RGS21: variants seen among roughly 807,000 people sequenced by gnomAD.
The protein encoded by RGS21 is regulator of G protein signaling 21.
In RGS21, 19 loss-of-function variants were observed where a neutral mutation model predicts 18.7. The ratio of observed to expected loss-of-function variants is 1.01; its 90% CI spans 0.71 to 1.49. RGS21 has a LOEUF of 1.49. Among genes scored for constraint, RGS21 ranks in the 40% most tolerant of loss-of-function variants. The pLI is 0.00. For synonymous variants in RGS21, 56 were observed against 57.8 expected, an observed-to-expected ratio of 0.97 and a Z score of 0.14; for missense variants, 194 against 176.8, an observed-to-expected ratio of 1.10 and a Z score of -0.55.
intron 1 of RGS21, among the ~76,000 whole-genome samples, chr1:192,338,476 T>A (rs189170059): frequency 2.0e-5 from 3 of 152,094 alleles, no homozygotes; most frequent in Non-Finnish European, 4.4e-5. Context: ...CAAATAACGA[T>A]CAGTGCGATT....
At chr1:192,333,269 TAC>T (rs137948736) in intron 1 of RGS21, among the ~76,000 whole-genome samples, 4,178 of 142,566 alleles carry the variant, frequency 0.029, 67 homozygotes, top group African/African-American at 0.047. Context: ...GTTTCTTAAA[TAC>T]ACACACACAC....
At chr1:192,318,140 C>G (rs551594826) in intron 1 of RGS21, among the ~76,000 whole-genome samples, 1 of 152,024 alleles carries the variant, frequency 6.6e-6, no homozygotes, top group Admixed American at 6.6e-5. Flanking sequence ...AATCAATATC[C>G]TGTTATTTTT....
At chr1:192,322,796 T>G (rs1658515569) in intron 1 of RGS21, among the ~76,000 whole-genome samples, 2 of 152,112 alleles carry the variant, frequency 1.3e-5, no homozygotes, top group Non-Finnish European at 2.9e-5. Flanking sequence ...GCAAAAAGTT[T>G]ACTCTGTCAA....
At chr1:192,333,638 A>G (rs1472301975) in intron 1 of RGS21, among the ~76,000 whole-genome samples, 1 of 48,794 alleles carries the variant, frequency 2.0e-5, no homozygotes, top group Non-Finnish European at 4.5e-5. Flanking sequence ...CAAAAAAAAA[A>G]AAAAAAAAAA....
At chr1:192,332,342 A>C (rs12758780) in intron 1 of RGS21, among the ~76,000 whole-genome samples, 1 of 152,180 alleles carries the variant, frequency 6.6e-6, no homozygotes, top group South Asian at 2.1e-4. Context: ...AATACCATCA[A>C]ATTTATAAAG....
chr1:192,359,055 T>C (rs918342724), intron 4 of RGS21, among the ~76,000 whole-genome samples: 1 of 152,128 alleles, frequency 6.6e-6, no homozygotes, highest in African/African-American at 2.4e-5. Flanking sequence ...ACATCTCAGC[T>C]GTCATTTTCT....
intron 4 of RGS21, among the ~76,000 whole-genome samples, chr1:192,357,137 GA>G (rs1659123154): frequency 6.6e-6 from 1 of 151,798 alleles, no homozygotes. Context: ...GAGGATCAGG[GA>G]ATGTATTTCG....
chr1:192,328,818 G>T (rs914036909), intron 1 of RGS21, among the ~76,000 whole-genome samples: 2 of 152,044 alleles, frequency 1.3e-5, no homozygotes, highest in Admixed American at 1.3e-4. Context: ...TTTAATAGAG[G>T]ATTGGTTAAA....
chr1:192,325,531 A>T (rs1255563097), intron 1 of RGS21, among the ~76,000 whole-genome samples: 1 of 152,082 alleles, frequency 6.6e-6, no homozygotes, highest in Non-Finnish European at 1.5e-5. Flanking sequence ...AGAAATCTCC[A>T]AACTGCATGG....
chr1:192,323,887 A>G (rs572108457), intron 1 of RGS21, among the ~76,000 whole-genome samples: 1 of 152,224 alleles, frequency 6.6e-6, no homozygotes, highest in South Asian at 2.1e-4. Flanking sequence ...AAATCAGGCT[A>G]TTCCTTAGAC....
chr1:192,341,131 C>A (rs1428099297), intron 1 of RGS21, among the ~76,000 whole-genome samples: 3 of 151,922 alleles, frequency 2.0e-5, no homozygotes, highest in African/African-American at 7.2e-5. Context: ...GGCTCTTAAC[C>A]CCTTTCTCAC....
At chr1:192,336,199 A>C (rs1658764919) in intron 1 of RGS21, among the ~76,000 whole-genome samples, 4 of 152,218 alleles carry the variant, frequency 2.6e-5, no homozygotes, top group Non-Finnish European at 1.5e-5. Context: ...TCACGCCTGC[A>C]ATCCCAGCTC....
In RGS21 at chr1:192,366,092, C is replaced by G; in HGVS notation, c.427C>G (p.Pro143Ala). ...YKKLVNSQQV[P>A]NHKKWLPFL ...AAAACTGGTAAATAGCCAACAGGTT[C>G]CAAATCATAAAAAATGGCTCCCTTT... Residue 143 changes from proline to alanine, a missense_variant, in exon 5 of 5, where the codon CCA becomes GCA. Coordinates refer to ENST00000417209, the MANE Select transcript of RGS21 (RefSeq NM_001039152.3). 1 of 1,609,968 alleles carries G rather than the reference C, an allele frequency of 6.2e-7. No homozygotes were observed. The highest frequency in any genetic ancestry group is 1.3e-5 in the African/African-American group (1 of 74,574).
Position 192,366,622 on chromosome 1 carries a change from G to A in RGS21, c.*498G>A, listed in dbSNP as rs1040030101. ...ATAATGTGGTTATGAAAACTGCTAC[G>A]CCTCTCAAATTATATTTTTTAAATC... is the stretch of plus-strand genomic sequence containing the variant. On this transcript the variant is annotated 3_prime_UTR_variant, in exon 5 of 5. Transcript: ENST00000417209. 4 of 152,060 alleles carry A rather than the reference G, an allele frequency of 2.6e-5. No homozygotes were observed. The highest frequency in any genetic ancestry group is 1.9e-4 in the East Asian group (1 of 5,208). 9.4% of individuals were successfully genotyped at this position (152,060 alleles called of 1,614,324 possible). A position where few individuals can be genotyped will look rare whatever the true frequency, so the allele number is the denominator to read the frequency against.
chr1:192,349,964 TTC>T (rs1250816351), intron 3 of RGS21, among the ~76,000 whole-genome samples: 1 of 152,216 alleles, frequency 6.6e-6, no homozygotes, highest in African/African-American at 2.4e-5. Context: ...GAACACTTTA[TTC>T]TCTCTATAAA....
At chr1:192,342,299 A>C (rs1658882363) in intron 1 of RGS21, among the ~76,000 whole-genome samples, 1 of 152,116 alleles carries the variant, frequency 6.6e-6, no homozygotes, top group East Asian at 1.9e-4. Context: ...AACTATAATT[A>C]AAATTGCCAA....
At chr1:192,321,004 A>C (rs575089118) in intron 1 of RGS21, among the ~76,000 whole-genome samples, 3 of 152,016 alleles carry the variant, frequency 2.0e-5, no homozygotes, top group Non-Finnish European at 2.9e-5. Flanking sequence ...TATTACCATG[A>C]CTCTATATTT....
At chr1:192,331,117 T>C (rs1250168173) in intron 1 of RGS21, among the ~76,000 whole-genome samples, 2 of 152,184 alleles carry the variant, frequency 1.3e-5, no homozygotes, top group African/African-American at 4.8e-5. Flanking sequence ...AACATATGAA[T>C]CCCTGAATAA....
At chr1:192,333,297 C>CAT (rs1452988243) in intron 1 of RGS21, among the ~76,000 whole-genome samples, 7 of 151,802 alleles carry the variant, frequency 4.6e-5, no homozygotes, top group Admixed American at 4.6e-4. Flanking sequence ...CACACACACA[C>CAT]ACACACTTAC....
Sources: allele counts gnomAD v4.1 joint callset (sites outside exome capture counted in the v4.1 genomes callset), GRCh38; gene constraint gnomAD v4.1.1; transcripts MANE v1.5; gene names NCBI Gene and HGNC (gene_info 2026-07-23, HGNC 2026-07-21).